The following ZDHHC4 variants were observed in gnomAD, a reference collection of about 807,000 sequenced individuals.
ZDHHC4 encodes palmitoyltransferase ZDHHC4.
In ZDHHC4, 42 loss-of-function variants were observed where a neutral mutation model predicts 36.7. The observed-to-expected ratio is 1.14, with a 90% confidence interval of 0.89 to 1.48. The LOEUF is 1.48. ZDHHC4 is among the 40% of genes most tolerant of loss of function. The probability of loss-of-function intolerance (pLI) is 0.00; values close to 1 mark genes in which losing one functional copy is unlikely to be tolerated. For synonymous variants in ZDHHC4, 189 were observed against 166.6 expected (o/e 1.13, Z -1.03); for missense variants, 457 against 421.5 (o/e 1.08, Z -0.74).
Position 6,585,189 on chromosome 7 carries a change from G to C in ZDHHC4, c.670G>C (p.Asp224His). 1 of 1,614,190 alleles carries C rather than the reference G, an allele frequency of 6.2e-7. No individual in the cohort carries two copies. Among genetic ancestry groups the C allele is most frequent in the Non-Finnish European group, 8.5e-7 (1 of 1,180,038 alleles). The change falls in exon 7 of 8, where the codon GAT becomes CAT. Residue 224 changes from aspartate (D) to histidine (H), a missense_variant. By Grantham distance (81) the Asp-to-His change is moderately conservative. Transcript: ENST00000335965. ...TFLVHLVVMSDLYQETYIDDL... is the reference protein window; with the variant it reads ...TFLVHLVVMSHLYQETYIDDL... Reference sequence around the variant, plus strand: ...TCTGGTCCACTTGGTGGTGATGTCAGATTTATACCAGGAGACTTACATCGA... The same window carrying C: ...TCTGGTCCACTTGGTGGTGATGTCACATTTATACCAGGAGACTTACATCGA...
chr7:6,586,778 A>T (rs1489947866), intron 7 of ZDHHC4, among the ~76,000 whole-genome samples: 2 of 151,902 alleles, frequency 1.3e-5, no homozygotes, highest in East Asian at 3.9e-4. Context: ...GCCCGGCCTT[A>T]CTTCATTCTT....
At position 6,580,576 on chromosome 7, in the gene ZDHHC4, C is replaced by T. The variant is rs1280475920; in HGVS notation, c.15C>T (p.Val5=). The T allele has an allele frequency of 6.2e-6, 10 of 1,613,976 alleles. No homozygotes were observed. The highest frequency in any genetic ancestry group is 4.0e-5 in the African/African-American group (3 of 74,904). Residue 5 remains valine, a synonymous_variant, in exon 3 of 8, where the codon GTC becomes GTT. Transcript: ENST00000335965. MDFL[V]LFLFYLASVL... ...GTAGCTGCAGGATGGACTTTCTGGTCCTCTTCTTGTTCTACCTGGCTTCGG... is the reference window on the plus strand; with the variant it reads ...GTAGCTGCAGGATGGACTTTCTGGTTCTCTTCTTGTTCTACCTGGCTTCGG...
At chr7:6,585,760 T>G (rs972372320) in intron 7 of ZDHHC4, among the ~76,000 whole-genome samples, 1 of 151,946 alleles carries the variant, frequency 6.6e-6, no homozygotes, top group Non-Finnish European at 1.5e-5. Flanking sequence ...GAGCTGAGAT[T>G]GCACCACTGC....
chr7:6,587,880 T>C (rs1781345967), intron 7 of ZDHHC4, among the ~76,000 whole-genome samples: 1 of 152,208 alleles, frequency 6.6e-6, no homozygotes, highest in African/African-American at 2.4e-5. Flanking sequence ...TATTTATTTA[T>C]TTTTAGATGG....
chr7:6,577,584 GTGT>G (rs1780515242), intron 1 of ZDHHC4, 86 bp downstream of exon 1: 1 of 152,344 alleles, frequency 6.6e-6, no homozygotes, highest in African/African-American at 2.4e-5. Context: ...TTCCCCTTGT[GTGT>G]AGGGCCGCCG....
At chr7:6,577,745 G>A (rs547696452) in intron 1 of ZDHHC4, 1 of 152,418 alleles carries the variant, frequency 6.6e-6, no homozygotes, top group Non-Finnish European at 1.5e-5. Context: ...GGTGGCTTCG[G>A]GAGGCCCTAA....
rs186779217 is a variant in ZDHHC4, at chr7:6,581,018, C to T, written c.117+340C>T. 431 of 298,332 alleles carry T rather than the reference C, an allele frequency of 1.4e-3. 5 individuals carry two copies. The highest frequency in any genetic ancestry group is 3.2e-4 in the Non-Finnish European group (50 of 157,518). 18.5% of individuals were successfully genotyped at this position (298,332 alleles called of 1,614,324 possible). A position where few individuals can be genotyped will look rare whatever the true frequency, so the allele number is the denominator to read the frequency against. Reference sequence around the variant, plus strand: ...CCTCTGTCTGTGTGGGTTTTGTGTTCCTGCTGAAAGTCCTCTTGCGGTGGT... The same window carrying T: ...CCTCTGTCTGTGTGGGTTTTGTGTTTCTGCTGAAAGTCCTCTTGCGGTGGT... On this transcript the variant is annotated intron_variant, in intron 3 of 7. Coordinates refer to ENST00000335965, the MANE Select transcript of ZDHHC4 (RefSeq NM_001134389.2).
Position 6,585,082 on chromosome 7 carries a change from C to T in ZDHHC4, c.563C>T (p.Ala188Val), listed in dbSNP as rs1237630964. Residue 188 changes from alanine to valine, a missense_variant, in exon 7 of 8, where the codon GCC becomes GTC. Ala to Val is a moderately conservative substitution (Grantham distance 64). Transcript: ENST00000335965. ...GTTTGGGTGAACAACTGCATCGGGG[C>T]CTGGAACATCAGGTACTTCCTCATC... ...HCVWVNNCIG[A>V]WNIRYFLIYV... is the part of the protein sequence containing the mutation. The T allele has an allele frequency of 1.4e-5, 22 of 1,614,022 alleles. No individual in the cohort carries two copies. Among genetic ancestry groups the T allele is most frequent in the Non-Finnish European group, 1.8e-5 (21 of 1,180,044 alleles).
intron 6 of ZDHHC4, chr7:6,584,318 TAATAA>T (rs1167440183): frequency 1.3e-5 from 2 of 152,206 alleles, no homozygotes; most frequent in African/African-American, 4.8e-5. Context: ...TATTTAGATT[TAATAA>T]AATGTACAGT....
chr7:6,581,624 T>C lies in ZDHHC4; in HGVS notation c.135T>C (p.Ile45=). ...TGTTTCAGATATTTTCCTGTATAAT[T>C]CCAGAATGTCTTCAGAGAGCCGTGC... ...RGGAQIFSCI[I]PECLQRAVHG... Residue 45 remains isoleucine (I), a synonymous_variant, in exon 4 of 8, where the codon ATT becomes ATC. Coordinates refer to ENST00000335965, the MANE Select transcript of ZDHHC4 (RefSeq NM_001134389.2). 6.2e-7 allele frequency: 1 copy of C among 1,611,376 alleles called. No homozygotes were observed. The highest frequency in any genetic ancestry group is 8.5e-7 in the Non-Finnish European group (1 of 1,177,920).
intron 2 of ZDHHC4, among the ~76,000 whole-genome samples, chr7:6,579,279 C>T (rs892969385): frequency 6.6e-6 from 1 of 151,680 alleles, no homozygotes; most frequent in Admixed American, 6.6e-5. Context: ...CGGCTCACTG[C>T]AACCTCCGCT....
chr7:6,583,194 T>C, intron 5 of ZDHHC4, 112 bp from the exon 6 acceptor site: 2 of 1,205,426 alleles, frequency 1.7e-6, no homozygotes, highest in Non-Finnish European at 2.3e-6. Flanking sequence ...AAAAAAAGAA[T>C]TACTTACGAT....
rs1384152788 is a variant in ZDHHC4, at chr7:6,581,475, ACTT to A, written c.118-127_118-125del. Reference sequence around the variant, plus strand: ...TCCCCTCTTTATTCTCTGCTAAATCACTTCTTCACCCATATAGGGAAACAAAAC... The same window carrying A: ...TCCCCTCTTTATTCTCTGCTAAATCACTTCACCCATATAGGGAAACAAAAC... On this transcript the variant is annotated intron_variant, in intron 3 of 7. Transcript: ENST00000335965. 1.5e-5 allele frequency: 10 copies of A among 686,856 alleles called. No individual in the cohort carries two copies. In the Admixed American group the frequency reaches 2.8e-4, roughly 19 times the overall value. 42.5% of individuals were successfully genotyped at this position (686,856 alleles called of 1,614,324 possible).
At chr7:6,578,449 C>T (rs964534100) in intron 1 of ZDHHC4, 117 bp from the exon 2 acceptor site, 5 of 152,256 alleles carry the variant, frequency 3.3e-5, no homozygotes, top group African/African-American at 4.8e-5. Context: ...AAGTCTTACC[C>T]ATTCATGCTG....
intron 5 of ZDHHC4, among the ~76,000 whole-genome samples, chr7:6,582,655 C>G (rs942863794): frequency 1.3e-5 from 2 of 152,018 alleles, no homozygotes; most frequent in African/African-American, 2.4e-5. Flanking sequence ...GTAGCTAGGA[C>G]TACAGGCGTG....
chr7:6,582,512 G>T (rs889943764), intron 5 of ZDHHC4, among the ~76,000 whole-genome samples: 4 of 152,068 alleles, frequency 2.6e-5, no homozygotes, highest in African/African-American at 9.6e-5. Context: ...GATCGGTATG[G>T]TACTGTTCCT....
At position 6,577,506 on chromosome 7, in the gene ZDHHC4, C is replaced by T. The variant is rs1052364480; in HGVS notation, c.-163+8C>T. On this transcript the variant is annotated splice_region_variant and intron_variant, in intron 1 of 7. Coordinates refer to ENST00000335965, the MANE Select transcript of ZDHHC4 (RefSeq NM_001134389.2). ...GGAGCCCAGCGGCTGGCGGTAAGGCCGCCTCCGCGGGGCTGTGGGAAGCTT... is the reference window on the plus strand; with the variant it reads ...GGAGCCCAGCGGCTGGCGGTAAGGCTGCCTCCGCGGGGCTGTGGGAAGCTT... 7 of 152,206 alleles carry T rather than the reference C, an allele frequency of 4.6e-5. No homozygotes were observed. Among genetic ancestry groups the T allele is most frequent in the African/African-American group, 7.2e-5 (3 of 41,464 alleles). The allele number at this position is 152,206 out of a possible 1,614,324, so 9.4% of individuals were successfully genotyped here.
chr7:6,582,151 C>A lies in ZDHHC4; in HGVS notation c.270C>A (p.Tyr90Ter), dbSNP rs559424673. The part of the protein sequence containing the change: ...YTEYTWEVFG[Y>*]CQELELSLHY... ...AGTACACCTGGGAAGTATTTGGCTA[C>A]TGTCAGGAGCTGGAGTTGTCCTTGC... Residue 90 changes from tyrosine to a stop codon, truncating the protein, a stop_gained, in exon 5 of 8, where the codon TAC becomes TAA. Coordinates refer to ENST00000335965, the MANE Select transcript of ZDHHC4 (RefSeq NM_001134389.2). LOFTEE classifies it high-confidence loss of function. 2 of 1,614,222 alleles carry A rather than the reference C, an allele frequency of 1.2e-6. No homozygotes were observed. The highest frequency in any genetic ancestry group is 8.5e-7 in the Non-Finnish European group (1 of 1,180,046).
At position 6,580,666 on chromosome 7, in the gene ZDHHC4, G is replaced by A; in HGVS notation, c.105G>A (p.Arg35=). ...CCCATAGCTTGAAAGGCCTGGCCAGGGGAGGAGCACAGGTAAGGATGATCC... is the reference window on the plus strand; with the variant it reads ...CCCATAGCTTGAAAGGCCTGGCCAGAGGAGGAGCACAGGTAAGGATGATCC... ...SKTHSLKGLA[R]GGAQIFSCII... The change falls in exon 3 of 8, where the codon AGG becomes AGA. Residue 35 remains arginine, a synonymous_variant. Coordinates refer to ENST00000335965, the MANE Select transcript of ZDHHC4 (RefSeq NM_001134389.2). 1 of 1,614,104 alleles carries A rather than the reference G, an allele frequency of 6.2e-7. No individual in the cohort carries two copies. Among genetic ancestry groups the A allele is most frequent in the South Asian group, 1.1e-5 (1 of 91,080 alleles).
Sources: allele counts gnomAD v4.1 joint callset (sites outside exome capture counted in the v4.1 genomes callset), GRCh38; gene constraint gnomAD v4.1.1; transcripts MANE v1.5; gene names NCBI Gene and HGNC (gene_info 2026-07-23, HGNC 2026-07-21).